MAP4K3: variants seen among roughly 807,000 people sequenced by gnomAD.
MAP4K3 encodes the protein mitogen-activated protein kinase kinase kinase kinase 3, also known as MAPK/ERK kinase kinase kinase 3.
MAP4K3 carries 94 observed loss-of-function variants against 143.5 expected under a neutral mutation model. The observed-to-expected ratio is 0.65, with a 90% CI of 0.55 to 0.78. MAP4K3 has a LOEUF of 0.78. MAP4K3 is among the 30% of genes least tolerant of loss of function. The probability of loss-of-function intolerance (pLI) is 0.00; values close to 1 mark genes in which losing one functional copy is unlikely to be tolerated. For synonymous variants in MAP4K3, 416 were observed against 347.2 expected (o/e 1.20, Z -2.20); for missense variants, 1,077 against 1,068.1 (o/e 1.01, Z -0.12).
intron 1 of MAP4K3, among the ~76,000 whole-genome samples, chr2:39,394,707 A>G (rs1394192499): frequency 6.6e-6 from 1 of 152,192 alleles, no homozygotes; most frequent in African/African-American, 2.4e-5. Flanking sequence ...ATGTAACACC[A>G]GATTATGGAG....
chr2:39,297,354 G>C (rs1682325162), intron 16 of MAP4K3, among the ~76,000 whole-genome samples: 1 of 152,134 alleles, frequency 6.6e-6, no homozygotes. Context: ...CTGACCTCAG[G>C]TGATCTACTC....
intron 1 of MAP4K3, among the ~76,000 whole-genome samples, chr2:39,388,510 G>C (rs964631988): frequency 3.3e-5 from 5 of 152,148 alleles, no homozygotes; most frequent in Non-Finnish European, 7.4e-5. Flanking sequence ...ATTAAACTTG[G>C]AATCTAGGGA....
intron 17 of MAP4K3, 92 bp from the exon 18 acceptor site, chr2:39,292,918 G>T: frequency 9.2e-7 from 1 of 1,083,022 alleles, no homozygotes; most frequent in East Asian, 2.4e-5. Flanking sequence ...GCTACTGTAA[G>T]ATAAAATTTT....
chr2:39,420,169 G>T (rs907827869), intron 1 of MAP4K3, among the ~76,000 whole-genome samples: 3 of 152,154 alleles, frequency 2.0e-5, no homozygotes, highest in African/African-American at 4.8e-5. Context: ...GGACACACAG[G>T]TGTTGAAAGC....
chr2:39,250,863 G>C (rs1031234824), intron 33 of MAP4K3, among the ~76,000 whole-genome samples, 158 bp from the exon 34 acceptor site: 1 of 152,204 alleles, frequency 6.6e-6, no homozygotes, highest in African/African-American at 2.4e-5. Context: ...TACAGGGCCA[G>C]TTCTAGCTCT....
rs373370493 is a variant in MAP4K3 at position 39,320,217 on chromosome 2, T to C, written c.919-4829A>G. ...AAAATTAAGTATTTCAATAATTCAA[T>C]AGCTGTTTACACGTTGCAAGTAGCT... is the stretch of plus-strand genomic sequence containing the variant. On this transcript the variant is annotated intron_variant, in intron 12 of 33. Transcript: ENST00000263881. 4.6e-5 allele frequency among the ~76,000 whole-genome samples: 7 copies of C among 152,334 alleles called. No homozygotes were observed. The East Asian group carries it at 1.3e-3, about 29-fold the overall frequency.
chr2:39,343,756 A>G (rs1665207352), intron 3 of MAP4K3, among the ~76,000 whole-genome samples: 1 of 152,174 alleles, frequency 6.6e-6, no homozygotes, highest in Admixed American at 6.5e-5. Context: ...AAGTTTATAC[A>G]TCTACCCAGA....
chr2:39,375,601 A>T (rs1666197016), intron 2 of MAP4K3, among the ~76,000 whole-genome samples: 1 of 152,244 alleles, frequency 6.6e-6, no homozygotes, highest in Non-Finnish European at 1.5e-5. Context: ...GGTTGTAGTT[A>T]CGTATCTTTA....
intron 1 of MAP4K3, among the ~76,000 whole-genome samples, chr2:39,419,074 A>T (rs1667475262): frequency 6.6e-6 from 1 of 152,220 alleles, no homozygotes; most frequent in African/African-American, 2.4e-5. Context: ...AAAATATTCT[A>T]AAATAAAGTT....
At chr2:39,317,153 C>A (rs1683139302) in intron 12 of MAP4K3, among the ~76,000 whole-genome samples, 1 of 152,048 alleles carries the variant, frequency 6.6e-6, no homozygotes, top group African/African-American at 2.4e-5. Flanking sequence ...CAAAAAGAAG[C>A]AATGGGGAGA....
At chr2:39,365,719 C>A (rs1364129905) in intron 2 of MAP4K3, among the ~76,000 whole-genome samples, 1 of 152,084 alleles carries the variant, frequency 6.6e-6, no homozygotes, top group Non-Finnish European at 1.5e-5. Flanking sequence ...GCTGGGATTA[C>A]AGGCGTGAGC....
At chr2:39,276,494 T>C (rs1204804695) in intron 24 of MAP4K3, among the ~76,000 whole-genome samples, 1 of 152,204 alleles carries the variant, frequency 6.6e-6, no homozygotes, top group African/African-American at 2.4e-5. Flanking sequence ...GTTAAGCACA[T>C]GGAATCTGGA....
At chr2:39,335,573 C>G (rs1664921819) in intron 6 of MAP4K3, among the ~76,000 whole-genome samples, 1 of 152,148 alleles carries the variant, frequency 6.6e-6, no homozygotes, top group Non-Finnish European at 1.5e-5. Flanking sequence ...CTCACACTTT[C>G]TAACTTCTGT....
intron 1 of MAP4K3, among the ~76,000 whole-genome samples, chr2:39,433,228 T>C (rs964941634): frequency 2.0e-5 from 3 of 152,172 alleles, no homozygotes; most frequent in African/African-American, 7.2e-5. Context: ...AGTCTTTGTG[T>C]ATCCAGTCTT....
intron 19 of MAP4K3, among the ~76,000 whole-genome samples, chr2:39,289,132 T>C (rs1050908138): frequency 6.6e-6 from 1 of 152,190 alleles, no homozygotes; most frequent in African/African-American, 2.4e-5. Context: ...CCTGAGACAC[T>C]TTCTGTACAA....
At chr2:39,343,038 A>C (rs1164576404) in intron 4 of MAP4K3, among the ~76,000 whole-genome samples, 1 of 152,206 alleles carries the variant, frequency 6.6e-6, no homozygotes, top group Non-Finnish European at 1.5e-5. Context: ...AGAGCAAAAT[A>C]AATTATCTTT....
At chr2:39,341,820 A>C (rs1665148549) in intron 4 of MAP4K3, among the ~76,000 whole-genome samples, 1 of 152,208 alleles carries the variant, frequency 6.6e-6, no homozygotes, top group South Asian at 2.1e-4. Context: ...ATGTAAAATA[A>C]TGCCAGATAT....
At chr2:39,391,450 G>C (rs1208089424) in intron 1 of MAP4K3, among the ~76,000 whole-genome samples, 1 of 147,008 alleles carries the variant, frequency 6.8e-6, no homozygotes, top group Non-Finnish European at 1.5e-5. Context: ...CACATTAAAA[G>C]ATTCTGAAAG....
In MAP4K3 at chr2:39,338,199, T is replaced by C. The variant is rs566916793; in HGVS notation, c.311-618A>G. Among the ~76,000 whole-genome samples the C allele has an allele frequency of 5.3e-5, 8 of 152,322 alleles. No homozygotes were observed. In the East Asian group the frequency reaches 5.8e-4, roughly 11 times the overall value. On this transcript the variant is annotated intron_variant, in intron 4 of 33. Coordinates refer to ENST00000263881, the MANE Select transcript of MAP4K3 (RefSeq NM_003618.4). ...CTAAAGTAGTCACTGAAATTAATTA[T>C]ATTCTCATTTTTATATCTCATTCAT...
Sources: gnomAD v4.1 joint callset for allele counts (sites outside exome capture counted in the v4.1 genomes callset) on GRCh38, gnomAD v4.1.1 for gene constraint, MANE v1.5 for transcripts, NCBI Gene and HGNC (gene_info 2026-07-23, HGNC 2026-07-21) for gene names.